Variants in SH3PXD2B observed in about 807,000 individuals in gnomAD.
SH3PXD2B encodes SH3 and PX domains 2B.
Under a neutral mutation model 73.1 loss-of-function variants are expected in SH3PXD2B, and 37 were observed. The ratio of observed to expected loss-of-function variants is 0.51; its 90% confidence interval spans 0.39 to 0.67. SH3PXD2B has a LOEUF of 0.67. SH3PXD2B is among the 30% of genes least tolerant of loss of function. The pLI is 0.00. For synonymous variants in SH3PXD2B, 457 were observed against 480.5 expected (o/e 0.95, Z 0.64); for missense variants, 1,053 against 1,197.8 (o/e 0.88, Z 1.78).
chr5:172,423,934 C>T (rs555823584), intron 1 of SH3PXD2B, among the ~76,000 whole-genome samples: 25 of 152,190 alleles, frequency 1.6e-4, no homozygotes, highest in Admixed American at 3.3e-4. Flanking sequence ...TGAGCCACCG[C>T]GCCCGGCCCG....
rs1554135327 is a variant in SH3PXD2B at position 172,350,541 on chromosome 5, G to C, written c.834C>G (p.Asn278Lys). The change falls in exon 10 of 13, where the codon AAC (asparagine) becomes AAG (lysine). Residue 278 changes from asparagine (N) to lysine (K), a missense_variant. This residue lies in a region of SH3PXD2B where 466 missense variants were observed against 607.1 expected (regional missense o/e 0.77). Coordinates refer to ENST00000311601, the MANE Select transcript of SH3PXD2B (RefSeq NM_001017995.3). The stretch of plus-strand genomic sequence containing the variant: ...GCTTCGGGGGCAAGGGCTCCCCACT[G>C]TTCTTCTTTAGGTAGGAGGCGGGGG... ...GWAPASYLKKNSGEPLPPKPG... is the reference protein window; with the variant it reads ...GWAPASYLKKKSGEPLPPKPG... 1 of 1,613,720 alleles carries C rather than the reference G, an allele frequency of 6.2e-7. No homozygotes were observed. Among genetic ancestry groups the C allele is most frequent in the Non-Finnish European group, 8.5e-7 (1 of 1,179,912 alleles).
chr5:172,350,529 G>A lies in SH3PXD2B; in HGVS notation c.846C>T (p.Pro282=). 1 of 1,614,004 alleles carries A rather than the reference G, an allele frequency of 6.2e-7. No homozygotes were observed. Residue 282 remains proline (P), a synonymous_variant, in exon 10 of 13, where the codon CCC becomes CCT. Coordinates refer to ENST00000311601, the MANE Select transcript of SH3PXD2B (RefSeq NM_001017995.3). ...ASYLKKNSGE[P]LPPKPGPGSP... ...AGCCAGGGCCTGGCTTCGGGGGCAA[G>A]GGCTCCCCACTGTTCTTCTTTAGGT...
chr5:172,343,832 G>A (rs935911147), intron 12 of SH3PXD2B, among the ~76,000 whole-genome samples: 3 of 151,772 alleles, frequency 2.0e-5, no homozygotes, highest in Non-Finnish European at 1.5e-5. Context: ...TCACAAGAAT[G>A]AGGGGAAAGA....
intron 2 of SH3PXD2B, among the ~76,000 whole-genome samples, chr5:172,419,668 G>GC (rs1758912455): frequency 6.6e-6 from 1 of 152,178 alleles, no homozygotes; most frequent in Admixed American, 6.5e-5. Context: ...GAGGCTGGCT[G>GC]CATTTTCTGC....
chr5:172,329,059 G>GTA (rs1211712213), downstream of SH3PXD2B, among the ~76,000 whole-genome samples: 842 of 96,824 alleles, frequency 8.7e-3, 9 homozygotes, highest in East Asian at 0.013. Flanking sequence ...GTGTGTGTGT[G>GTA]TATATATATA....
At chr5:172,420,885 G>A (rs941170942) in intron 2 of SH3PXD2B, among the ~76,000 whole-genome samples, 1 of 151,878 alleles carries the variant, frequency 6.6e-6, no homozygotes, top group Non-Finnish European at 1.5e-5. Context: ...TGGAAGGAGG[G>A]ATTGGAATGA....
intron 2 of SH3PXD2B, among the ~76,000 whole-genome samples, chr5:172,416,350 C>T (rs1158430118): frequency 4.8e-5 from 7 of 145,486 alleles, no homozygotes; most frequent in Admixed American, 6.9e-5. Flanking sequence ...TTTTTTGAGA[C>T]GGAGTTTCGC....
intron 1 of SH3PXD2B, among the ~76,000 whole-genome samples, chr5:172,427,452 C>A (rs1395609588): frequency 1.3e-5 from 2 of 152,088 alleles, no homozygotes; most frequent in Non-Finnish European, 1.5e-5. Flanking sequence ...CTCAAGCAAT[C>A]CTCCCACCTC....
In SH3PXD2B at chr5:172,337,054, G is replaced by A. The variant is rs539625011; in HGVS notation, c.*1315C>T. On this transcript the variant is annotated 3_prime_UTR_variant, in exon 13 of 13. Transcript: ENST00000311601. ...GGCCCTCGAGGCCACCTCAGCTCCCGTTGCTCCATAAGCTCTATTCCCCAG... is the reference window on the plus strand; with the variant it reads ...GGCCCTCGAGGCCACCTCAGCTCCCATTGCTCCATAAGCTCTATTCCCCAG... The A allele has an allele frequency of 1.8e-5, 18 of 985,118 alleles. No individual in the cohort carries two copies. Among genetic ancestry groups the A allele is most frequent in the Non-Finnish European group, 2.0e-5 (17 of 830,008 alleles). 61.0% of individuals were successfully genotyped at this position (985,118 alleles called of 1,614,324 possible). A position where few individuals can be genotyped will look rare whatever the true frequency, so the allele number is the denominator to read the frequency against.
chr5:172,358,645 C>T, intron 8 of SH3PXD2B, 128 bp downstream of exon 8: 1 of 892,858 alleles, frequency 1.1e-6, no homozygotes, highest in Non-Finnish European at 1.8e-6. Flanking sequence ...GCCATGGAGC[C>T]TCAGCCAGTG....
intron 1 of SH3PXD2B, among the ~76,000 whole-genome samples, chr5:172,437,642 G>C (rs1380684909): frequency 3.3e-5 from 5 of 152,234 alleles, no homozygotes; most frequent in South Asian, 2.1e-4. Context: ...TCTGCAGCAA[G>C]TGACACACTG....
chr5:172,419,454 G>C (rs915800475), intron 2 of SH3PXD2B, among the ~76,000 whole-genome samples: 3 of 152,132 alleles, frequency 2.0e-5, no homozygotes, highest in African/African-American at 7.2e-5. Context: ...TCTGGAGACT[G>C]GAATCAGCAT....
At chr5:172,438,873 A>G (rs1759454256) in intron 1 of SH3PXD2B, among the ~76,000 whole-genome samples, 1 of 152,088 alleles carries the variant, frequency 6.6e-6, no homozygotes, top group East Asian at 1.9e-4. Flanking sequence ...TTACACCACA[A>G]AAGGGAATTT....
chr5:172,385,307 G>A (rs554494129), intron 4 of SH3PXD2B, among the ~76,000 whole-genome samples: 7 of 152,162 alleles, frequency 4.6e-5, no homozygotes, highest in East Asian at 1.9e-4. Flanking sequence ...AGCACTCCTC[G>A]ACCTTGGCTT....
Position 172,336,813 on chromosome 5 carries a change from T to C in SH3PXD2B, c.*1556A>G. The C allele has an allele frequency of 1.0e-6, 1 of 985,596 alleles. No homozygotes were observed. Among genetic ancestry groups the C allele is most frequent in the Non-Finnish European group, 1.2e-6 (1 of 830,088 alleles). 61.1% of individuals were successfully genotyped at this position (985,596 alleles called of 1,614,324 possible). A position where few individuals can be genotyped will look rare whatever the true frequency, so the allele number is the denominator to read the frequency against. ...AGAAATGCTGGGTCCTGATTTTGCT[T>C]CTGCAGTGATTTAGTCATGCCTCTC... On this transcript the variant is annotated 3_prime_UTR_variant, in exon 13 of 13. Transcript: ENST00000311601.
chr5:172,380,156 C>G (rs771485484), intron 5 of SH3PXD2B, among the ~76,000 whole-genome samples: 1 of 152,088 alleles, frequency 6.6e-6, no homozygotes, highest in South Asian at 2.1e-4. Flanking sequence ...CTCCTTGGCC[C>G]GAGCAATTCT....
In SH3PXD2B at chr5:172,419,442, C is replaced by G. The variant is rs537365292; in HGVS notation, c.156+2974G>C. On this transcript the variant is annotated intron_variant, in intron 2 of 12. Transcript: ENST00000311601. ...GGCCCTTAGGACAATCAGATTCTCC[C>G]TTCTGGAGACTGGAATCAGCATCCA... Among the ~76,000 whole-genome samples, 14 of 152,318 alleles carry G rather than the reference C, an allele frequency of 9.2e-5. No individual in the cohort carries two copies. The South Asian group carries it at 2.9e-3, about 32-fold the overall frequency.
At chr5:172,330,134 T>TCTGAGTG (rs1756528654), downstream of SH3PXD2B, among the ~76,000 whole-genome samples, 1 of 152,208 alleles carries the variant, frequency 6.6e-6, no homozygotes, top group Non-Finnish European at 1.5e-5. Context: ...AAATCTGTAA[T>TCTGAGTG]CTGAGTGCTT....
At chr5:172,453,212 CTTT>C (rs1554088756) in intron 1 of SH3PXD2B, among the ~76,000 whole-genome samples, 5 of 152,106 alleles carry the variant, frequency 3.3e-5, no homozygotes, top group Admixed American at 1.3e-4. Flanking sequence ...TTCTATACTT[CTTT>C]GTTAGGATTT....
Sources: gnomAD v4.1 joint callset for allele counts (sites outside exome capture counted in the v4.1 genomes callset) on GRCh38, gnomAD v4.1.1 for gene constraint, gnomAD v4.1.1 regional missense constraint, MANE v1.5 for transcripts, NCBI Gene and HGNC (gene_info 2026-07-23, HGNC 2026-07-21) for gene names.